Variants in PDE10A observed in about 807,000 individuals in gnomAD.
The protein encoded by PDE10A is cAMP and cAMP-inhibited cGMP 3',5'-cyclic phosphodiesterase 10A.
A neutral mutation model predicts 97.7 loss-of-function variants in PDE10A; 39 were observed. The observed-to-expected ratio is 0.40, with a 90% CI of 0.31 to 0.52. PDE10A has a LOEUF of 0.52. Ranked by LOEUF, PDE10A falls within the 20% of genes least tolerant of loss-of-function variation. The pLI is 0.56. For missense variants in PDE10A, 731 were observed against 1,047.8 expected, an observed-to-expected ratio of 0.70 and a Z score of 4.17; for synonymous variants, 371 against 376.8, an observed-to-expected ratio of 0.98 and a Z score of 0.18.
intron 1 of PDE10A, among the ~76,000 whole-genome samples, chr6:165,749,328 A>ATT (rs1275685553): frequency 2.0e-5 from 1 of 50,516 alleles, no homozygotes; most frequent in African/African-American, 8.1e-5. Flanking sequence ...CACCATCACC[A>ATT]ATACCACCAT....
At chr6:165,413,708 A>AAT in intron 12 of PDE10A, 21 bp from the exon 13 acceptor site, 1 of 1,576,776 alleles carries the variant, frequency 6.3e-7, no homozygotes, top group South Asian at 1.1e-5. Flanking sequence ...ACAGAACCAA[A>AAT]AATAACAACA....
intron 18 of PDE10A, among the ~76,000 whole-genome samples, chr6:165,377,565 T>A (rs1446242550): frequency 1.3e-5 from 2 of 152,186 alleles, no homozygotes; most frequent in African/African-American, 4.8e-5. Flanking sequence ...TTTCCTATAT[T>A]ATAATAATCA....
At chr6:165,587,549 A>G (rs1440833925) in intron 1 of PDE10A, among the ~76,000 whole-genome samples, 1 of 152,324 alleles carries the variant, frequency 6.6e-6, no homozygotes, top group South Asian at 2.1e-4. Flanking sequence ...AGAAGTACTG[A>G]TAGAAAATTA....
At chr6:165,970,286 T>G (rs1242363615) in intron 1 of PDE10A, among the ~76,000 whole-genome samples, 1 of 152,200 alleles carries the variant, frequency 6.6e-6, no homozygotes, top group Non-Finnish European at 1.5e-5. Context: ...TCAAAGATGT[T>G]ATTAGAACAA....
intron 1 of PDE10A, among the ~76,000 whole-genome samples, chr6:165,831,476 G>GTT (rs1779912866): frequency 4.0e-5 from 1 of 24,878 alleles, no homozygotes; most frequent in African/African-American, 2.2e-4. Flanking sequence ...AATTGCAGGA[G>GTT]TCTTTTTTTT....
intron 17 of PDE10A, among the ~76,000 whole-genome samples, chr6:165,387,042 T>C (rs976407588): frequency 3.3e-5 from 5 of 151,936 alleles, no homozygotes; most frequent in Admixed American, 2.6e-4. Flanking sequence ...TGTATGCTTG[T>C]TTTATGCCGG....
At chr6:165,442,568 C>T (rs1790550672) in intron 5 of PDE10A, among the ~76,000 whole-genome samples, 1 of 152,106 alleles carries the variant, frequency 6.6e-6, no homozygotes, top group Non-Finnish European at 1.5e-5. Flanking sequence ...ACCATCAGAC[C>T]TCACGAGAAC....
Position 165,662,734 on chromosome 6 carries a change from G to A in PDE10A, c.78C>T (p.Gly26=), listed in dbSNP as rs1041220809. Among the ~76,000 whole-genome samples the A allele has an allele frequency of 6.8e-6, 1 of 148,096 alleles. No individual in the cohort carries two copies. ...GGGGTTCCGGGCGGAGTTTGCCGGGGCCGCAGCCCGGCTCGTCCCCGGCCG... is the reference window on the plus strand; with the variant it reads ...GGGGTTCCGGGCGGAGTTTGCCGGGACCGCAGCCCGGCTCGTCCCCGGCCG... ...LPAAGDEPGC[G]PGKLRPEPRL... Residue 26 remains glycine (G), a synonymous_variant, in exon 1 of 22, where the codon GGC becomes GGT. Coordinates refer to ENST00000539869, the MANE Select transcript of PDE10A (RefSeq NM_001385079.1).
At chr6:165,976,057 A>G (rs1784836725) in intron 1 of PDE10A, among the ~76,000 whole-genome samples, 1 of 152,218 alleles carries the variant, frequency 6.6e-6, no homozygotes, top group African/African-American at 2.4e-5. Context: ...CAAATAAAGA[A>G]CCTGCTATTA....
chr6:165,790,182 T>A (rs965824811), intron 1 of PDE10A, among the ~76,000 whole-genome samples: 7 of 152,252 alleles, frequency 4.6e-5, no homozygotes, highest in African/African-American at 1.7e-4. Flanking sequence ...GCTAAACATG[T>A]CTTTCTTTAA....
At chr6:165,486,364 T>C (rs1779917734) in intron 2 of PDE10A, among the ~76,000 whole-genome samples, 1 of 152,224 alleles carries the variant, frequency 6.6e-6, no homozygotes, top group African/African-American at 2.4e-5. Context: ...CACGACTGGA[T>C]GGCTTTCTGG....
At chr6:165,824,536 T>C (rs1779669342) in intron 1 of PDE10A, among the ~76,000 whole-genome samples, 1 of 152,192 alleles carries the variant, frequency 6.6e-6, no homozygotes, top group African/African-American at 2.4e-5. Context: ...ATCTAATCTA[T>C]CAAACGTTTA....
intron 2 of PDE10A, among the ~76,000 whole-genome samples, chr6:165,485,001 A>G (rs1779818691): frequency 6.6e-6 from 1 of 152,192 alleles, no homozygotes; most frequent in Non-Finnish European, 1.5e-5. Context: ...AAGACTGCCA[A>G]TGAAAAGAAA....
At chr6:165,342,452 C>T (rs745700404) in intron 19 of PDE10A, among the ~76,000 whole-genome samples, 56 of 152,160 alleles carry the variant, frequency 3.7e-4, no homozygotes, top group Non-Finnish European at 6.2e-4. Context: ...GAAATCATGC[C>T]GGGAGTATAA....
chr6:165,418,017 G>C lies in PDE10A; in HGVS notation c.1796+618C>G, dbSNP rs115988245. Among the ~76,000 whole-genome samples, 1,189 of 152,268 alleles carry C rather than the reference G, an allele frequency of 7.8e-3. 10 individuals carry two copies. Among genetic ancestry groups the C allele is most frequent in the African/African-American group, 0.027 (1,131 of 41,564 alleles). On this transcript the variant is annotated intron_variant, in intron 11 of 21. Coordinates refer to ENST00000539869, the MANE Select transcript of PDE10A (RefSeq NM_001385079.1). This position sits in a 1 kb window ranked among gnomAD's most constrained non-coding sequence, Gnocchi z 4.8. ...TAAACGTTTTGTCAGAGTGCTCCTTGTGTAGGTTTCCAGGTGCGATATGAG... is the reference window on the plus strand; with the variant it reads ...TAAACGTTTTGTCAGAGTGCTCCTTCTGTAGGTTTCCAGGTGCGATATGAG...
At chr6:165,689,363 C>T (rs1791208607) in intron 1 of PDE10A, among the ~76,000 whole-genome samples, 1 of 152,094 alleles carries the variant, frequency 6.6e-6, no homozygotes. Flanking sequence ...TCATTTGGTT[C>T]CCAGGGTTAA....
chr6:165,631,455 A>G (rs1481704159), intron 1 of PDE10A, among the ~76,000 whole-genome samples: 1 of 152,246 alleles, frequency 6.6e-6, no homozygotes, highest in Non-Finnish European at 1.5e-5. Flanking sequence ...TGGGGGCATC[A>G]AGATATCCAT....
chr6:165,405,113 C>A (rs1178887952), intron 13 of PDE10A, among the ~76,000 whole-genome samples: 2 of 151,994 alleles, frequency 1.3e-5, no homozygotes, highest in African/African-American at 2.4e-5. Flanking sequence ...GTATTATGTT[C>A]CTGTGAAATA....
chr6:165,668,917 C>T (rs1790569736), intron 1 of PDE10A, among the ~76,000 whole-genome samples: 1 of 152,178 alleles, frequency 6.6e-6, no homozygotes, highest in Admixed American at 6.5e-5. Context: ...CCCTGAGCTT[C>T]TCTTGTTCAA....
Sources: gnomAD v4.1 joint callset for allele counts (sites outside exome capture counted in the v4.1 genomes callset) on GRCh38, gnomAD v4.1.1 for gene constraint, Gnocchi (gnomAD v3.1) non-coding constraint, MANE v1.5 for transcripts, NCBI Gene and HGNC (gene_info 2026-07-23, HGNC 2026-07-21) for gene names.